MEI4: variants seen among roughly 807,000 people sequenced by gnomAD.
MEI4 encodes meiosis-specific protein MEI4.
MEI4 carries 27 observed loss-of-function variants against 31.4 expected under a neutral mutation model. The observed-to-expected ratio is 0.86, with a 90% CI of 0.63 to 1.19. The LOEUF (loss-of-function observed/expected upper bound fraction) is 1.19, where lower values mean the gene tolerates loss of function less well. Among genes scored for constraint, MEI4 ranks in the 50% most tolerant of loss-of-function variants. The pLI is 0.00. For synonymous variants in MEI4, 122 were observed against 145.4 expected (o/e 0.84, Z 1.16); for missense variants, 329 against 398.9 (o/e 0.82, Z 1.49).
chr6:77,868,404 A>T (rs1207844349), intron 4 of MEI4, among the ~76,000 whole-genome samples: 1 of 148,812 alleles, frequency 6.7e-6, no homozygotes, highest in Non-Finnish European at 1.5e-5. Flanking sequence ...AAAATCTAAG[A>T]TACAGAACAT....
At chr6:77,656,139 TAACA>T (rs1768390303) in intron 1 of MEI4, among the ~76,000 whole-genome samples, 1 of 152,154 alleles carries the variant, frequency 6.6e-6, no homozygotes, top group Non-Finnish European at 1.5e-5. Context: ...CTCTTGTATT[TAACA>T]TGTGCTTTAG....
chr6:77,710,794 A>G (rs904649270), intron 2 of MEI4, among the ~76,000 whole-genome samples: 2 of 152,122 alleles, frequency 1.3e-5, no homozygotes, highest in African/African-American at 4.8e-5. Flanking sequence ...CTGGACTGAG[A>G]CATGATTCTT....
intron 4 of MEI4, among the ~76,000 whole-genome samples, chr6:77,868,527 A>ATATATATATATATATATATC (rs1443166431): frequency 7.1e-6 from 1 of 141,048 alleles, no homozygotes; most frequent in Admixed American, 7.2e-5. Flanking sequence ...ATATATATAT[A>ATATATATATATATATATATC]TGCAGATTTC....
At chr6:77,752,148 C>T (rs1767791645) in intron 2 of MEI4, among the ~76,000 whole-genome samples, 2 of 152,030 alleles carry the variant, frequency 1.3e-5, no homozygotes, top group Admixed American at 1.3e-4. Flanking sequence ...TATGACAAAC[C>T]CACAGCCAAT....
intron 3 of MEI4, among the ~76,000 whole-genome samples, chr6:77,787,815 A>G (rs1768785174): frequency 6.6e-6 from 1 of 152,228 alleles, no homozygotes; most frequent in Non-Finnish European, 1.5e-5. Context: ...ATGAAATTAG[A>G]AAAATAATGA....
At chr6:77,790,584 A>C (rs1340759631) in intron 3 of MEI4, among the ~76,000 whole-genome samples, 2 of 152,026 alleles carry the variant, frequency 1.3e-5, no homozygotes, top group Non-Finnish European at 2.9e-5. Flanking sequence ...AAATTAACAA[A>C]ATACATATTG....
chr6:77,665,114 C>T lies in MEI4; in HGVS notation c.-15+12022C>T, dbSNP rs547313581. Among the ~76,000 whole-genome samples, 9 of 148,144 alleles carry T rather than the reference C, an allele frequency of 6.1e-5. No homozygotes were observed. In the South Asian group the frequency reaches 6.5e-4, roughly 11 times the overall value. ...AGAAAAGTGGGAAAAGGGGTTGGGG[C>T]GCAGAGATAAGAGGTCGGGGCATGG... On this transcript the variant is annotated intron_variant, in intron 1 of 4. Coordinates refer to ENST00000684080, the MANE Select transcript of MEI4 (RefSeq NM_001322247.2).
At chr6:77,696,497 G>A (rs897364075) in intron 2 of MEI4, among the ~76,000 whole-genome samples, 43 of 151,876 alleles carry the variant, frequency 2.8e-4, no homozygotes, top group Non-Finnish European at 8.8e-5. Context: ...TTTGTCAAAG[G>A]TCTTTTCTGC....
At chr6:77,812,177 A>G (rs1355117386) in intron 3 of MEI4, among the ~76,000 whole-genome samples, 1 of 152,092 alleles carries the variant, frequency 6.6e-6, no homozygotes, top group Non-Finnish European at 1.5e-5. Context: ...TTTGGGATTA[A>G]TATTTGGAAT....
intron 4 of MEI4, among the ~76,000 whole-genome samples, chr6:77,832,899 G>T (rs1049136629): frequency 1.2e-4 from 18 of 152,220 alleles, no homozygotes; most frequent in African/African-American, 4.1e-4. Context: ...TTTGTGTCAA[G>T]TTTAACATAT....
At chr6:77,888,079 A>G (rs879596310) in intron 4 of MEI4, among the ~76,000 whole-genome samples, 1 of 152,154 alleles carries the variant, frequency 6.6e-6, no homozygotes, top group Admixed American at 6.5e-5. Context: ...ATACATGTAT[A>G]ACTACTTCTG....
intron 3 of MEI4, among the ~76,000 whole-genome samples, chr6:77,800,650 T>G (rs1232511631): frequency 1.3e-5 from 2 of 152,200 alleles, no homozygotes; most frequent in Admixed American, 1.3e-4. Context: ...GCTCTTATTA[T>G]TTTGAGGTAC....
At chr6:77,900,665 T>C (rs975452661) in intron 4 of MEI4, among the ~76,000 whole-genome samples, 2 of 152,000 alleles carry the variant, frequency 1.3e-5, no homozygotes, top group Non-Finnish European at 1.5e-5. Flanking sequence ...AGACTGACGA[T>C]AAAAGTCATT....
chr6:77,791,232 G>A (rs1235985225), intron 3 of MEI4, among the ~76,000 whole-genome samples: 5 of 152,194 alleles, frequency 3.3e-5, no homozygotes, highest in Non-Finnish European at 2.9e-5. Context: ...ACATGCACAC[G>A]TATGTTTATT....
At chr6:77,732,506 T>C (rs1465884122) in intron 2 of MEI4, among the ~76,000 whole-genome samples, 2 of 151,742 alleles carry the variant, frequency 1.3e-5, no homozygotes, top group Non-Finnish European at 2.9e-5. Context: ...TGAAGTTGCT[T>C]ATCAGCTTAA....
At chr6:77,672,111 A>G (rs1468257885) in intron 1 of MEI4, among the ~76,000 whole-genome samples, 1 of 152,248 alleles carries the variant, frequency 6.6e-6, no homozygotes, top group Non-Finnish European at 1.5e-5. Flanking sequence ...TGATCTTTCT[A>G]CTGGCGGGCG....
chr6:77,913,460 C>A (rs1766474275), intron 4 of MEI4, among the ~76,000 whole-genome samples: 1 of 152,060 alleles, frequency 6.6e-6, no homozygotes, highest in South Asian at 2.1e-4. Flanking sequence ...GATACAATTT[C>A]ATTACTTGTG....
chr6:77,737,302 G>A (rs1767275898), intron 2 of MEI4, among the ~76,000 whole-genome samples: 1 of 152,176 alleles, frequency 6.6e-6, no homozygotes, highest in African/African-American at 2.4e-5. Context: ...AGAGGGAGGA[G>A]ATTGGAAACA....
At position 77,740,980 on chromosome 6, in the gene MEI4, A is replaced by G. The variant is rs186657553; in HGVS notation, c.233-20150A>G. On this transcript the variant is annotated intron_variant, in intron 2 of 4. Transcript: ENST00000684080. ...AAAACAGGTTAATGAGTACAGTAATATAATTATATGTAAGGTACAAGATAG... is the reference window on the plus strand; with the variant it reads ...AAAACAGGTTAATGAGTACAGTAATGTAATTATATGTAAGGTACAAGATAG... 7.4e-4 allele frequency among the ~76,000 whole-genome samples: 113 copies of G among 152,268 alleles called. 1 individual carries two copies. The Middle Eastern group carries it at 0.027, about 37-fold the overall frequency.
Sources: gnomAD v4.1 joint callset for allele counts (sites outside exome capture counted in the v4.1 genomes callset) on GRCh38, gnomAD v4.1.1 for gene constraint, MANE v1.5 for transcripts, NCBI Gene and HGNC (gene_info 2026-07-23, HGNC 2026-07-21) for gene names.